PWWP2A: variants seen among roughly 807,000 people sequenced by gnomAD.
PWWP2A encodes PWWP domain containing 2A.
A neutral mutation model predicts 48.5 loss-of-function variants in PWWP2A; 18 were observed. That is an observed-to-expected ratio of 0.37 (90% CI 0.26 to 0.55). The LOEUF (loss-of-function observed/expected upper bound fraction) is 0.55. PWWP2A is among the 20% of genes least tolerant of loss of function. The pLI is 0.81. For synonymous variants in PWWP2A, 396 were observed against 387.7 expected, an observed-to-expected ratio of 1.02 and a Z score of -0.25; for missense variants, 867 against 976.4, an observed-to-expected ratio of 0.89 and a Z score of 1.49.
At chr5:160,088,015 C>CTA (rs1297307323), downstream of PWWP2A, among the ~76,000 whole-genome samples, 1 of 152,164 alleles carries the variant, frequency 6.6e-6, no homozygotes, top group Admixed American at 6.5e-5. Context: ...AAGCATATTA[C>CTA]TATTAGCTAA....
At chr5:160,067,424 T>G (rs1398133001) in intron 2 of PWWP2A, among the ~76,000 whole-genome samples, 1 of 152,182 alleles carries the variant, frequency 6.6e-6, no homozygotes, top group African/African-American at 2.4e-5. Flanking sequence ...TGGCTGAGAC[T>G]TAGCAAAATC....
In PWWP2A at chr5:160,094,006, G is replaced by A. The variant is rs750966217; in HGVS notation, c.644C>T (p.Pro215Leu). The change falls in exon 2 of 2, where the codon CCA (proline) becomes CTA (leucine). Residue 215 changes from proline to leucine, a missense_variant. Physicochemically the swap from Pro to Leu is moderately conservative, Grantham distance 98. Transcript: ENST00000307063. ...VFPKREYKDK[P>L]EAMPLQSNTF... ...ATTACTTTGGAGCGGCATGGCTTCT[G>A]GTTTATCCTTATATTCCCTTTTGGG... 8 of 1,613,730 alleles carry A rather than the reference G, an allele frequency of 5.0e-6. No individual in the cohort carries two copies. In the South Asian group the frequency reaches 7.7e-5, roughly 16 times the overall value.
rs997494228 is a variant in PWWP2A, at chr5:160,100,026, C to T, written c.585-5961G>A. 2.6e-5 allele frequency among the ~76,000 whole-genome samples: 4 copies of T among 151,920 alleles called. No individual in the cohort carries two copies. In the South Asian group the frequency reaches 6.2e-4, roughly 24 times the overall value. On this transcript the variant is annotated intron_variant, in intron 1 of 1. Transcript: ENST00000307063. ...TTAACAGTTACTTTGTGTTGCTGGG[C>T]ACAGTGGCTCACGCCTGTAATCGCA...
At chr5:160,060,872 A>G (rs530582682), downstream of PWWP2A, among the ~76,000 whole-genome samples, 1 of 152,356 alleles carries the variant, frequency 6.6e-6, no homozygotes, top group East Asian at 1.9e-4. Flanking sequence ...CTCTGGCTTC[A>G]GAGCCCATCT....
the PWWP2A span, among the ~76,000 whole-genome samples, chr5:160,053,082 C>A: frequency 6.6e-6 from 1 of 152,140 alleles, no homozygotes; most frequent in Non-Finnish European, 1.5e-5. Context: ...TTTCAGCCCC[C>A]ACAAGAGCTT....
intron 3 of PWWP2A, among the ~76,000 whole-genome samples, chr5:160,080,099 G>GAC (rs1446004536): frequency 7.2e-5 from 11 of 152,160 alleles, no homozygotes; most frequent in African/African-American, 2.7e-4. Context: ...TAAAGAAATA[G>GAC]ACTATATTTC....
chr5:160,058,127 CAGG>C (rs1292391821), downstream of PWWP2A, among the ~76,000 whole-genome samples: 1 of 152,180 alleles, frequency 6.6e-6, no homozygotes, highest in Non-Finnish European at 1.5e-5. Flanking sequence ...ACATCTTCAC[CAGG>C]AGGAGATTCC....
At chr5:160,101,314 C>T (rs1561684375) in intron 1 of PWWP2A, among the ~76,000 whole-genome samples, 1 of 152,172 alleles carries the variant, frequency 6.6e-6, no homozygotes, top group African/African-American at 2.4e-5. Context: ...CACGCCACTG[C>T]ACTCCAGCCA....
At chr5:160,055,529 C>G in the PWWP2A span, among the ~76,000 whole-genome samples, 6 of 152,208 alleles carry the variant, frequency 3.9e-5, no homozygotes, top group Non-Finnish European at 8.8e-5. Context: ...AGATATGGTG[C>G]CCAGAACATC....
intron 1 of PWWP2A, among the ~76,000 whole-genome samples, chr5:160,101,172 G>A (rs563131376): frequency 1.6e-4 from 25 of 152,222 alleles, no homozygotes; most frequent in African/African-American, 5.8e-4. Flanking sequence ...CCAACATGGT[G>A]AAACCCTGTC....
chr5:160,050,837 G>C, the PWWP2A span, among the ~76,000 whole-genome samples: 1 of 151,926 alleles, frequency 6.6e-6, no homozygotes, highest in East Asian at 1.9e-4. Flanking sequence ...TGTTGCCCAA[G>C]GTGGTCTCAA....
In PWWP2A at chr5:160,091,856, A is replaced by T; in HGVS notation, c.*526T>A. On this transcript the variant is annotated 3_prime_UTR_variant, in exon 2 of 2. Coordinates refer to ENST00000307063, the MANE Select transcript of PWWP2A (RefSeq NM_001130864.2). ...TAGAAAGGCTAAGTGTTCATTATTT[A>T]AAAAACAAGTAGTCATTAAATATCC... 1 of 985,070 alleles carries T rather than the reference A, an allele frequency of 1.0e-6. No individual in the cohort carries two copies. The highest frequency in any genetic ancestry group is 1.2e-6 in the Non-Finnish European group (1 of 829,802). The allele number at this position is 985,070 out of a possible 1,614,324, so 61.0% of individuals were successfully genotyped here.
At chr5:160,109,757 G>GAAAAAAAA (rs755988668) in intron 1 of PWWP2A, among the ~76,000 whole-genome samples, 1 of 53,384 alleles carries the variant, frequency 1.9e-5, no homozygotes, top group Non-Finnish European at 3.3e-5. Context: ...ATGCAACTGG[G>GAAAAAAAA]AAAAAAAAAA....
At chr5:160,086,348 G>A (rs1049030249), downstream of PWWP2A, among the ~76,000 whole-genome samples, 1 of 151,744 alleles carries the variant, frequency 6.6e-6, no homozygotes, top group African/African-American at 2.4e-5. Context: ...GTGTGACCCT[G>A]TCTCTATAAA....
chr5:160,048,562 G>A, the PWWP2A span, among the ~76,000 whole-genome samples: 5 of 152,294 alleles, frequency 3.3e-5, no homozygotes, highest in Admixed American at 3.3e-4. Context: ...GCTGATGCTG[G>A]ATAAAGGAAA....
the PWWP2A span, among the ~76,000 whole-genome samples, chr5:160,054,552 AG>A: frequency 6.6e-6 from 1 of 152,038 alleles, no homozygotes; most frequent in Non-Finnish European, 1.5e-5. Context: ...TCAAGTTTGC[AG>A]TGTTACGATG....
chr5:160,062,278 TG>T (rs2113423346), intron 5 of PWWP2A, among the ~76,000 whole-genome samples: 1 of 152,350 alleles, frequency 6.6e-6, no homozygotes, highest in South Asian at 2.1e-4. Flanking sequence ...ATGGTCTTTC[TG>T]CACTAGAGGG....
downstream of PWWP2A, chr5:160,089,743 G>A (rs944996397): frequency 2.5e-5 from 30 of 1,215,602 alleles, no homozygotes; most frequent in East Asian, 2.4e-4. Flanking sequence ...TTTTAGCCAC[G>A]ACTCTTACTT....
At chr5:160,082,603 C>A (rs1400937593) in intron 2 of PWWP2A, among the ~76,000 whole-genome samples, 1 of 152,148 alleles carries the variant, frequency 6.6e-6, no homozygotes, top group African/African-American at 2.4e-5. Flanking sequence ...CAATTCCTCA[C>A]CTGCAACCCC....
Sources: gnomAD v4.1 joint callset for allele counts (sites outside exome capture counted in the v4.1 genomes callset) on GRCh38, gnomAD v4.1.1 for gene constraint, MANE v1.5 for transcripts, NCBI Gene and HGNC (gene_info 2026-07-23, HGNC 2026-07-21) for gene names.